Variants in MACROD2 observed in about 807,000 individuals in gnomAD.
The protein encoded by MACROD2 is ADP-ribose glycohydrolase MACROD2.
MACROD2 carries 36 observed loss-of-function variants against 70.4 expected under a neutral mutation model. That is an observed-to-expected ratio of 0.51 (90% confidence interval 0.39 to 0.68). MACROD2 has a LOEUF of 0.68. MACROD2 is among the 30% of genes least tolerant of loss of function. The pLI is 0.00. For synonymous variants in MACROD2, 172 were observed against 178.8 expected, an observed-to-expected ratio of 0.96 and a Z score of 0.30; for missense variants, 496 against 538.4, an observed-to-expected ratio of 0.92 and a Z score of 0.78.
intron 5 of MACROD2, among the ~76,000 whole-genome samples, chr20:15,095,237 C>G (rs1010316120): frequency 1.3e-5 from 2 of 150,674 alleles, no homozygotes; most frequent in Non-Finnish European, 3.0e-5. Context: ...CCACCACACC[C>G]GGCAATTTTT....
At chr20:15,253,516 C>T (rs1282199210) in intron 6 of MACROD2, among the ~76,000 whole-genome samples, 1 of 152,294 alleles carries the variant, frequency 6.6e-6, no homozygotes, top group East Asian at 1.9e-4. Flanking sequence ...GTAAGCTTAA[C>T]TGTAATACAA....
At chr20:14,183,270 A>T (rs908446568) in intron 3 of MACROD2, among the ~76,000 whole-genome samples, 1 of 151,770 alleles carries the variant, frequency 6.6e-6, no homozygotes, top group Non-Finnish European at 1.5e-5. Context: ...TATAAGTGAG[A>T]ACATGCTGTA....
intron 3 of MACROD2, among the ~76,000 whole-genome samples, chr20:14,367,677 T>C (rs948066087): frequency 3.9e-5 from 6 of 152,214 alleles, no homozygotes; most frequent in African/African-American, 1.4e-4. Context: ...TTGCTTCTCC[T>C]TGGCTGCTTT....
At chr20:14,652,521 A>G (rs953596013) in intron 4 of MACROD2, among the ~76,000 whole-genome samples, 2 of 152,184 alleles carry the variant, frequency 1.3e-5, no homozygotes, top group African/African-American at 4.8e-5. Context: ...GTAACTTAAC[A>G]CAATAACTAA....
chr20:14,942,970 C>T (rs941674600), intron 5 of MACROD2, among the ~76,000 whole-genome samples: 7 of 152,134 alleles, frequency 4.6e-5, no homozygotes, highest in African/African-American at 1.4e-4. Flanking sequence ...TAATTCCAAC[C>T]TCAACTATTT....
intron 5 of MACROD2, among the ~76,000 whole-genome samples, chr20:15,053,161 G>A (rs183447455): frequency 9.8e-5 from 15 of 152,334 alleles, no homozygotes; most frequent in African/African-American, 3.1e-4. Context: ...AGGTAAAGCC[G>A]CAAGTGCTGA....
At chr20:15,178,706 G>A (rs973736025) in intron 5 of MACROD2, among the ~76,000 whole-genome samples, 5 of 152,172 alleles carry the variant, frequency 3.3e-5, no homozygotes, top group African/African-American at 1.2e-4. Context: ...CAGCTGAGGG[G>A]CAGGTTCAGA....
chr20:14,061,088 A>G (rs2053685674), intron 2 of MACROD2, among the ~76,000 whole-genome samples: 1 of 152,168 alleles, frequency 6.6e-6, no homozygotes, highest in South Asian at 2.1e-4. Flanking sequence ...TATATACACC[A>G]TAGAAGTATA....
At chr20:15,952,036 C>T (rs759099249) in intron 12 of MACROD2, among the ~76,000 whole-genome samples, 5 of 151,994 alleles carry the variant, frequency 3.3e-5, no homozygotes, top group Admixed American at 6.6e-5. Context: ...GCTGTTCTGG[C>T]GATAGTGAGT....
intron 3 of MACROD2, among the ~76,000 whole-genome samples, chr20:14,487,614 C>G (rs1372814347): frequency 6.6e-6 from 1 of 152,136 alleles, no homozygotes. Flanking sequence ...CATTCATTCC[C>G]TTAGTTATAT....
intron 8 of MACROD2, among the ~76,000 whole-genome samples, chr20:15,516,163 C>CT (rs11481215): frequency 0.1 from 15,644 of 152,132 alleles, 826 homozygotes; most frequent in East Asian, 0.16. Context: ...ATTTTTCTCT[C>CT]TTTTTTTAGT....
intron 3 of MACROD2, among the ~76,000 whole-genome samples, chr20:14,430,382 C>T (rs1380830031): frequency 1.3e-5 from 2 of 151,916 alleles, no homozygotes; most frequent in Non-Finnish European, 2.9e-5. Context: ...ACGGTTCTGT[C>T]GTGCTAGGAT....
At chr20:14,777,450 A>C (rs141793135) in intron 5 of MACROD2, among the ~76,000 whole-genome samples, 1 of 151,994 alleles carries the variant, frequency 6.6e-6, no homozygotes, top group African/African-American at 2.4e-5. Context: ...CTGGAAAGCT[A>C]TCAGAACCAT....
intron 9 of MACROD2, among the ~76,000 whole-genome samples, chr20:15,866,417 TAAA>T (rs770661429): frequency 6.1e-5 from 9 of 147,842 alleles, no homozygotes; most frequent in Non-Finnish European, 1.3e-4. Flanking sequence ...AATAAATAAA[TAAA>T]TAAATATTGT....
At chr20:14,631,486 C>T (rs982295423) in intron 4 of MACROD2, among the ~76,000 whole-genome samples, 1 of 152,134 alleles carries the variant, frequency 6.6e-6, no homozygotes, top group Non-Finnish European at 1.5e-5. Flanking sequence ...TTAAGAAAAA[C>T]CGGGCCGGGC....
intron 8 of MACROD2, among the ~76,000 whole-genome samples, chr20:15,612,215 C>G (rs2048979727): frequency 1.3e-5 from 2 of 152,148 alleles, no homozygotes; most frequent in South Asian, 4.1e-4. Context: ...ATAGCATGAG[C>G]CATGCCGGCT....
chr20:14,704,965 T>TC (rs2071252033), intron 5 of MACROD2, among the ~76,000 whole-genome samples: 1 of 152,028 alleles, frequency 6.6e-6, no homozygotes, highest in African/African-American at 2.4e-5. Flanking sequence ...CTTTTTTTTT[T>TC]CAATACATTT....
intron 3 of MACROD2, among the ~76,000 whole-genome samples, chr20:14,305,842 AT>A (rs112159381): frequency 3.5e-4 from 52 of 148,462 alleles, no homozygotes; most frequent in Admixed American, 1.6e-3. Flanking sequence ...TTTGTTACAT[AT>A]TTTTTTTTTG....
chr20:15,590,937 AAG>A (rs1223394189), intron 8 of MACROD2, among the ~76,000 whole-genome samples: 1 of 138,428 alleles, frequency 7.2e-6, no homozygotes, highest in Non-Finnish European at 1.6e-5. Context: ...GAAGGAAGGA[AAG>A]AGAGAGAAAG....
Sources: gnomAD v4.1 joint callset for allele counts (sites outside exome capture counted in the v4.1 genomes callset) on GRCh38, gnomAD v4.1.1 for gene constraint, MANE v1.5 for transcripts, NCBI Gene and HGNC (gene_info 2026-07-23, HGNC 2026-07-21) for gene names.